Variants in PPP2R3A observed in about 807,000 individuals in gnomAD.
PPP2R3A encodes the protein serine/threonine-protein phosphatase 2A regulatory subunit B'' subunit alpha.
Under a neutral mutation model 106.9 loss-of-function variants are expected in PPP2R3A, and 80 were observed. The ratio of observed to expected loss-of-function variants is 0.75; its 90% CI spans 0.62 to 0.90. The LOEUF (loss-of-function observed/expected upper bound fraction) is 0.90. Ranked by LOEUF, PPP2R3A falls within the 40% of genes least tolerant of loss-of-function variation. The pLI, the probability that PPP2R3A is intolerant of heterozygous loss-of-function variation, is 0.00. For synonymous variants in PPP2R3A, 483 were observed against 468.3 expected (o/e 1.03, Z -0.41); for missense variants, 1,386 against 1,350.4 (o/e 1.03, Z -0.41).
At chr3:135,988,252 TA>T (rs1187748946) in intron 1 of PPP2R3A, among the ~76,000 whole-genome samples, 5,902 of 137,592 alleles carry the variant, frequency 0.043, 119 homozygotes, top group Non-Finnish European at 0.051. Context: ...GTTCAAGGAT[TA>T]AAAAAAAAAA....
chr3:136,105,925 A>G (rs907490660), intron 12 of PPP2R3A, among the ~76,000 whole-genome samples: 2 of 151,970 alleles, frequency 1.3e-5, no homozygotes, highest in Admixed American at 6.6e-5. Flanking sequence ...GTGCCACTAT[A>G]CTCCAGCCTG....
intron 8 of PPP2R3A, chr3:136,087,600 T>G (rs912922035): frequency 3.7e-6 from 1 of 267,282 alleles, no homozygotes; most frequent in Admixed American, 5.2e-5. Flanking sequence ...TTGGATAAGA[T>G]CAAAACAAAT....
chr3:136,046,680 C>CT (rs1383452989), intron 4 of PPP2R3A, among the ~76,000 whole-genome samples: 1 of 152,228 alleles, frequency 6.6e-6, no homozygotes, highest in Non-Finnish European at 1.5e-5. Context: ...CACAAGAACT[C>CT]TGACAATTCT....
chr3:136,062,514 C>T (rs935081112), intron 5 of PPP2R3A, among the ~76,000 whole-genome samples: 3 of 151,962 alleles, frequency 2.0e-5, no homozygotes, highest in African/African-American at 2.4e-5. Flanking sequence ...ATGAGGAGAT[C>T]GAGACCATCC....
rs71157353 is a variant in PPP2R3A, at chr3:136,034,039, CTT to C, written c.2263-6806_2263-6805del. On this transcript the variant is annotated intron_variant, in intron 3 of 13. Transcript: ENST00000264977. ...TCAGACTTTTTTTCTTTTTCTTTTT[CTT>C]TTTTTTTTTTTTTGAGACAGAATCT... is the stretch of plus-strand genomic sequence containing the variant. 6.2e-4 allele frequency among the ~76,000 whole-genome samples: 81 copies of C among 131,366 alleles called. 2 individuals carry two copies. Among genetic ancestry groups the C allele is most frequent in the Middle Eastern group, 3.9e-3 (1 of 256 alleles). 86.2% of individuals were successfully genotyped at this position (131,366 alleles called of 152,430 possible). A position where few individuals can be genotyped will look rare whatever the true frequency, so the allele number is the denominator to read the frequency against.
At chr3:136,025,037 T>G (rs1016718907) in intron 2 of PPP2R3A, among the ~76,000 whole-genome samples, 1 of 152,180 alleles carries the variant, frequency 6.6e-6, no homozygotes, top group African/African-American at 2.4e-5. Flanking sequence ...TATTTTATTA[T>G]TGAATCTGAA....
At chr3:136,082,541 G>A (rs1227793446) in intron 8 of PPP2R3A, 120 bp downstream of exon 8, 2 of 1,112,656 alleles carry the variant, frequency 1.8e-6, no homozygotes, top group Admixed American at 2.6e-5. Context: ...CTCTTTACAG[G>A]CCAATAATTT....
chr3:136,018,979 A>G (rs973904820), intron 2 of PPP2R3A, among the ~76,000 whole-genome samples: 4 of 152,200 alleles, frequency 2.6e-5, no homozygotes, highest in Non-Finnish European at 5.9e-5. Flanking sequence ...TCAAATTAAC[A>G]ACTGATGTGT....
At chr3:136,138,871 C>G (rs958811923) in intron 13 of PPP2R3A, among the ~76,000 whole-genome samples, 17 of 151,584 alleles carry the variant, frequency 1.1e-4, no homozygotes, top group African/African-American at 3.9e-4. Flanking sequence ...ACCACCACGC[C>G]CAGCTAATTT....
At chr3:136,124,520 A>G (rs1464157658) in intron 13 of PPP2R3A, among the ~76,000 whole-genome samples, 1 of 152,032 alleles carries the variant, frequency 6.6e-6, no homozygotes, top group African/African-American at 2.4e-5. Flanking sequence ...TTTTCTAAGC[A>G]CCCTAAAGCA....
rs1933718665 is a variant in PPP2R3A at position 136,003,310 on chromosome 3, A to G, written c.1812A>G (p.Glu604=). Residue 604 remains glutamate (E), a synonymous_variant, in exon 2 of 14, where the codon GAA becomes GAG. Coordinates refer to ENST00000264977, the MANE Select transcript of PPP2R3A (RefSeq NM_002718.5). ...ILESIEDFAQ[E]LVECKSSRGS... ...AAAGCATTGAAGACTTTGCTCAAGA[A>G]CTAGTTGAATGCAAATCAAGCAGAG... 6.2e-7 allele frequency: 1 copy of G among 1,614,026 alleles called. No individual in the cohort carries two copies. Among genetic ancestry groups the G allele is most frequent in the Non-Finnish European group, 8.5e-7 (1 of 1,179,950 alleles).
chr3:136,002,307 C>G lies in PPP2R3A; in HGVS notation c.809C>G (p.Thr270Arg). The stretch of plus-strand genomic sequence containing the variant: ...ATCAGTGAAGGAAGTGGTAATGATA[C>G]AATTTCTAGCTCTGAAACTGTCTAT... Reference protein sequence around the residue: ...SSISEGSGNDTISSSETVYMN... With the variant: ...SSISEGSGNDRISSSETVYMN... The change falls in exon 2 of 14, where the codon ACA becomes AGA. Residue 270 changes from threonine to arginine, a missense_variant. Coordinates refer to ENST00000264977, the MANE Select transcript of PPP2R3A (RefSeq NM_002718.5). The G allele has an allele frequency of 1.2e-6, 2 of 1,613,548 alleles. No individual in the cohort carries two copies. Among genetic ancestry groups the G allele is most frequent in the Non-Finnish European group, 8.5e-7 (1 of 1,179,612 alleles).
chr3:136,022,828 A>G (rs1576441080), intron 2 of PPP2R3A: 1 of 1,284,802 alleles, frequency 7.8e-7, no homozygotes. Context: ...GGCTGTGTTT[A>G]TAACTTGAAA....
In PPP2R3A at chr3:136,137,534, ATTTT is replaced by A. The variant is rs59086929; in HGVS notation, c.3330-7487_3330-7484del. On this transcript the variant is annotated intron_variant, in intron 13 of 13. Coordinates refer to ENST00000264977, the MANE Select transcript of PPP2R3A (RefSeq NM_002718.5). ...AAATATATGAATTACTCTGTCAGAG[ATTTT>A]TTTTTTTTTTTTTTTTTTTTTGAGA... Among the ~76,000 whole-genome samples the A allele has an allele frequency of 3.0e-4, 12 of 40,540 alleles. 1 individual carries two copies. The highest frequency in any genetic ancestry group is 2.5e-3 in the South Asian group (2 of 814). 26.6% of individuals were successfully genotyped at this position (40,540 alleles called of 152,430 possible). A position where few individuals can be genotyped will look rare whatever the true frequency, so the allele number is the denominator to read the frequency against.
intron 5 of PPP2R3A, among the ~76,000 whole-genome samples, chr3:136,056,637 CAT>C (rs1439243555): frequency 6.6e-6 from 1 of 151,572 alleles, no homozygotes; most frequent in Admixed American, 6.6e-5. Context: ...GTAAAGAAAA[CAT>C]AGGGGTAAGG....
At chr3:135,975,893 A>C (rs1937406130) in intron 1 of PPP2R3A, among the ~76,000 whole-genome samples, 1 of 152,202 alleles carries the variant, frequency 6.6e-6, no homozygotes, top group South Asian at 2.1e-4. Context: ...TCTTTGTAAG[A>C]GTAATTAACA....
At chr3:135,980,456 A>AG in intron 1 of PPP2R3A, among the ~76,000 whole-genome samples, 1 of 151,878 alleles carries the variant, frequency 6.6e-6, no homozygotes, top group African/African-American at 2.4e-5. Context: ...CAAAAAAAAA[A>AG]AAAGTTGGTA....
chr3:136,005,366 G>GT (rs1298622919), intron 2 of PPP2R3A, among the ~76,000 whole-genome samples: 1 of 152,156 alleles, frequency 6.6e-6, no homozygotes, highest in Non-Finnish European at 1.5e-5. Flanking sequence ...TACTCAGTCT[G>GT]TATGTTTTGT....
intron 5 of PPP2R3A, among the ~76,000 whole-genome samples, chr3:136,058,203 A>G (rs1473138464): frequency 6.6e-6 from 1 of 152,166 alleles, no homozygotes; most frequent in African/African-American, 2.4e-5. Context: ...AAGAGAAAGA[A>G]ATAAAGGGCA....
Sources: allele counts gnomAD v4.1 joint callset (sites outside exome capture counted in the v4.1 genomes callset), GRCh38; gene constraint gnomAD v4.1.1; transcripts MANE v1.5; gene names NCBI Gene and HGNC (gene_info 2026-07-23, HGNC 2026-07-21).